The following C2orf80 variants were observed in gnomAD, a reference collection of about 807,000 sequenced individuals.
C2orf80 encodes chromosome 2 open reading frame 80.
In C2orf80, 28 loss-of-function variants were observed where a neutral mutation model predicts 30.2. That is an observed-to-expected ratio of 0.93 (90% confidence interval 0.69 to 1.27). C2orf80 has a LOEUF of 1.27. C2orf80 is among the 50% of genes most tolerant of loss of function. The probability of loss-of-function intolerance (pLI) is 0.00; values close to 1 mark genes in which losing one functional copy is unlikely to be tolerated. For synonymous variants in C2orf80, 80 were observed against 76.4 expected (o/e 1.05, Z -0.24); for missense variants, 220 against 231.0 (o/e 0.95, Z 0.31).
At chr2:208,170,810 A>G in intron 8 of C2orf80, 135 bp downstream of exon 8, 1 of 702,682 alleles carries the variant, frequency 1.4e-6, no homozygotes, top group South Asian at 1.7e-5. Context: ...GATGTCCCAT[A>G]GCTGGTAAGC....
intron 8 of C2orf80, among the ~76,000 whole-genome samples, 160 bp downstream of exon 8, chr2:208,170,785 T>A (rs1410765698): frequency 6.6e-6 from 1 of 152,162 alleles, no homozygotes; most frequent in Non-Finnish European, 1.5e-5. Context: ...CACAGAGAGT[T>A]TAAGTATCTT....
At chr2:208,182,888 G>A (rs1244080642) in intron 4 of C2orf80, 77 bp downstream of exon 4, 6 of 1,175,262 alleles carry the variant, frequency 5.1e-6, no homozygotes, top group Non-Finnish European at 3.8e-6. Flanking sequence ...GATGGAAGAT[G>A]TTAGGGCTGG....
At chr2:208,185,457 C>T (rs1044303083) in intron 2 of C2orf80, among the ~76,000 whole-genome samples, 7 of 152,230 alleles carry the variant, frequency 4.6e-5, no homozygotes, top group Non-Finnish European at 7.4e-5. Flanking sequence ...ATTCTTTTGC[C>T]GTAAGGCTTT....
chr2:208,176,907 G>GTATACATATCTGTATATACATATC (rs374721784), intron 6 of C2orf80, among the ~76,000 whole-genome samples: 1 of 10,136 alleles, frequency 9.9e-5, no homozygotes, highest in Non-Finnish European at 2.9e-4. Context: ...ATACATATCT[G>GTATACATATCTGTATATACATATC]TGTATACATA....
At chr2:208,179,665 CA>C (rs1696486304) in intron 6 of C2orf80, among the ~76,000 whole-genome samples, 1 of 150,670 alleles carries the variant, frequency 6.6e-6, no homozygotes, top group Non-Finnish European at 1.5e-5. Flanking sequence ...TTACAAGTGG[CA>C]AAAATGGAAG....
At position 208,181,275 on chromosome 2, in the gene C2orf80, A is replaced by G. The variant is rs750707896; in HGVS notation, c.237T>C (p.Tyr79=). 29 of 1,610,836 alleles carry G rather than the reference A, an allele frequency of 1.8e-5. No homozygotes were observed. The highest frequency in any genetic ancestry group is 1.6e-4 in the Middle Eastern group (1 of 6,076). Residue 79 remains tyrosine (Y), a synonymous_variant, in exon 5 of 9, where the codon TAT becomes TAC. Transcript: ENST00000341287. ...LKIPLHGRPI[Y]PNRREREAMI... ...TAGCTTCTCGTTCTCTACGATTTGG[A>G]TATATGGGTCTGCCATGGAGTGGTA...
intron 2 of C2orf80, among the ~76,000 whole-genome samples, chr2:208,185,928 C>T (rs201263918): frequency 5.8e-4 from 89 of 152,274 alleles, no homozygotes; most frequent in Non-Finnish European, 9.1e-4. Flanking sequence ...CATTCCTGAT[C>T]ATGGTTTGTT....
intron 6 of C2orf80, 143 bp from the exon 7 acceptor site, chr2:208,172,218 C>T (rs1220496138): frequency 8.1e-6 from 6 of 737,528 alleles, no homozygotes; most frequent in African/African-American, 1.8e-5. Context: ...ACACTGTCCA[C>T]AGTCCATTGA....
intron 6 of C2orf80, among the ~76,000 whole-genome samples, chr2:208,180,224 C>A (rs1036132498): frequency 1.2e-4 from 18 of 152,120 alleles, no homozygotes; most frequent in African/African-American, 4.1e-4. Context: ...CCAAGGCAAG[C>A]AGATCACTTG....
chr2:208,181,103 A>G (rs1696543465), intron 5 of C2orf80, 115 bp downstream of exon 5: 4 of 792,110 alleles, frequency 5.0e-6, no homozygotes, highest in Non-Finnish European at 6.0e-6. Flanking sequence ...TACTATCAAT[A>G]ACTCCTAAAC....
intron 6 of C2orf80, among the ~76,000 whole-genome samples, chr2:208,175,224 G>A (rs963632632): frequency 1.5e-5 from 2 of 137,594 alleles, no homozygotes; most frequent in African/African-American, 5.3e-5. Context: ...GGGGGGGGGG[G>A]GCGGAGGTTG....
chr2:208,176,749 A>G (rs73065239), intron 6 of C2orf80, among the ~76,000 whole-genome samples: 1,860 of 151,758 alleles, frequency 0.012, 41 homozygotes, highest in African/African-American at 0.042. Context: ...ATTTGCCCAG[A>G]ATTATTCTGC....
chr2:208,166,201 TACAC>T (rs1436641066), intron 8 of C2orf80, among the ~76,000 whole-genome samples: 21 of 152,126 alleles, frequency 1.4e-4, no homozygotes, highest in Admixed American at 7.9e-4. Context: ...TCTTAAGAAA[TACAC>T]ACAGAGGTAC....
rs758404793 is a variant in C2orf80 at position 208,181,294 on chromosome 2, A to G, written c.218T>C (p.Leu73Pro). Reference protein sequence around the residue: ...WLEWEELKIPLHGRPIYPNRR... With the variant: ...WLEWEELKIPPHGRPIYPNRR... ...ATTTGGATATATGGGTCTGCCATGG[A>G]GTGGTATTTTCCTAATGGGGAATAG... Residue 73 changes from leucine (L) to proline (P), a missense_variant, in exon 5 of 9, where the codon CTC becomes CCC. Physicochemically the swap from Leu to Pro is moderately conservative, Grantham distance 98. Transcript: ENST00000341287. 3 of 1,606,798 alleles carry G rather than the reference A, an allele frequency of 1.9e-6. No individual in the cohort carries two copies. The South Asian group carries it at 3.3e-5, about 18-fold the overall frequency.
Position 208,165,702 on chromosome 2 carries a change from A to T in C2orf80, c.*105T>A, listed in dbSNP as rs1361756624. 1 of 1,516,070 alleles carries T rather than the reference A, an allele frequency of 6.6e-7. No individual in the cohort carries two copies. The highest frequency in any genetic ancestry group is 9.0e-7 in the Non-Finnish European group (1 of 1,109,958). The allele number at this position is 1,516,070 out of a possible 1,614,324, so 93.9% of individuals were successfully genotyped here. Reference sequence around the variant, plus strand: ...ACTTCAGTGCAGTTGTACCAAAAACAGTTGTAAAGAAAAATGTACTGGCAA... The same window carrying T: ...ACTTCAGTGCAGTTGTACCAAAAACTGTTGTAAAGAAAAATGTACTGGCAA... On this transcript the variant is annotated 3_prime_UTR_variant, in exon 9 of 9. Coordinates refer to ENST00000341287, the MANE Select transcript of C2orf80 (RefSeq NM_001099334.3).
chr2:208,177,957 C>T (rs565821482), intron 6 of C2orf80, among the ~76,000 whole-genome samples: 5 of 151,972 alleles, frequency 3.3e-5, no homozygotes, highest in Non-Finnish European at 7.4e-5. Context: ...GCTGAGATTA[C>T]AGGCATGCAC....
At chr2:208,181,457 G>A (rs948833927) in intron 4 of C2orf80, 152 bp from the exon 5 acceptor site, 11 of 556,016 alleles carry the variant, frequency 2.0e-5, no homozygotes, top group South Asian at 5.6e-5. Flanking sequence ...TTCCTCCATC[G>A]GTGAAATCCA....
In C2orf80 at chr2:208,176,915, ATATCT is replaced by A. The variant is rs1559340218; in HGVS notation, c.366+3825_366+3829del. Among the ~76,000 whole-genome samples the A allele has an allele frequency of 2.9e-3, 401 of 139,284 alleles. 68 individuals are homozygous for A. Among genetic ancestry groups the A allele is most frequent in the Admixed American group, 5.4e-3 (78 of 14,514 alleles). The allele number at this position is 139,284 out of a possible 152,430, so 91.4% of individuals were successfully genotyped here. On this transcript the variant is annotated intron_variant, in intron 6 of 8. Coordinates refer to ENST00000341287, the MANE Select transcript of C2orf80 (RefSeq NM_001099334.3). ...TATATATATACATATCTGTGTATAC[ATATCT>A]GTATACATATGTATACATATCTGTA...
chr2:208,171,147 AC>A (rs1284449999), intron 7 of C2orf80, 84 bp from the exon 8 acceptor site: 4 of 925,444 alleles, frequency 4.3e-6, no homozygotes, highest in Non-Finnish European at 6.9e-6. Flanking sequence ...ATTTCATTTC[AC>A]TAATTAATTA....
Sources: allele counts gnomAD v4.1 joint callset (sites outside exome capture counted in the v4.1 genomes callset), GRCh38; gene constraint gnomAD v4.1.1; transcripts MANE v1.5; gene names NCBI Gene and HGNC (gene_info 2026-07-23, HGNC 2026-07-21).